RAB7A: variants seen among roughly 807,000 people sequenced by gnomAD.
The protein encoded by RAB7A is RAB7A, member RAS oncogene family, also known as ras-related protein Rab-7a.
RAB7A carries 2 observed loss-of-function variants against 24.5 expected under a neutral mutation model. The ratio of observed to expected loss-of-function variants is 0.08; its 90% CI spans 0.03 to 0.26. The LOEUF is 0.26. RAB7A is among the 10% of genes least tolerant of loss of function. The pLI is 1.00. For missense variants in RAB7A, 118 were observed against 255.7 expected (o/e 0.46, Z 3.67); for synonymous variants, 100 against 95.9 (o/e 1.04, Z -0.25).
intron 1 of RAB7A, among the ~76,000 whole-genome samples, chr3:128,745,348 T>C (rs1371211564): frequency 6.6e-6 from 1 of 151,982 alleles, no homozygotes; most frequent in Admixed American, 6.6e-5. Flanking sequence ...GAAGAAACAG[T>C]AGTTTATTAA....
chr3:128,773,948 G>A (rs561453618), intron 1 of RAB7A, among the ~76,000 whole-genome samples: 49 of 151,590 alleles, frequency 3.2e-4, no homozygotes, highest in African/African-American at 1.1e-3. Context: ...CACTGCGGAA[G>A]GCCTCAGGGT....
chr3:128,809,933 AGTCTTTTTTTTT>A (rs1933886016), intron 5 of RAB7A, among the ~76,000 whole-genome samples: 2 of 54,056 alleles, frequency 3.7e-5, no homozygotes, highest in Non-Finnish European at 7.2e-5. Context: ...CTCTTGCCAC[AGTCTTTTTTTTT>A]TTTTTTTTTT....
intron 1 of RAB7A, among the ~76,000 whole-genome samples, chr3:128,793,858 G>T (rs142036939): frequency 0.014 from 2,074 of 152,272 alleles, 48 homozygotes; most frequent in African/African-American, 0.046. Flanking sequence ...GAGGCTTTTG[G>T]CAGAGAAACA....
intron 1 of RAB7A, among the ~76,000 whole-genome samples, chr3:128,731,881 T>C (rs1204252740): frequency 6.6e-6 from 1 of 151,392 alleles, no homozygotes; most frequent in African/African-American, 2.4e-5. Flanking sequence ...TGGCATGCAC[T>C]GTAGTCCCAG....
intron 1 of RAB7A, among the ~76,000 whole-genome samples, chr3:128,780,069 G>C (rs1933185705): frequency 6.6e-6 from 1 of 152,208 alleles, no homozygotes; most frequent in Non-Finnish European, 1.5e-5. Flanking sequence ...CTCCATGGGG[G>C]TCTTCAAACT....
chr3:128,772,851 C>A (rs917857313), intron 1 of RAB7A, among the ~76,000 whole-genome samples: 6 of 152,258 alleles, frequency 3.9e-5, no homozygotes, highest in Admixed American at 6.5e-5. Context: ...CTCGGCCCCC[C>A]GAGGTGCCAG....
intron 1 of RAB7A, among the ~76,000 whole-genome samples, chr3:128,752,640 A>C (rs1255482560): frequency 6.6e-6 from 1 of 151,996 alleles, no homozygotes; most frequent in African/African-American, 2.4e-5. Flanking sequence ...ATTCCAGAAC[A>C]ATGGCTCCTT....
In RAB7A at chr3:128,734,454, CAAAAAAAAA is replaced by C. The variant is rs10524458; in HGVS notation, c.-9+8110_-9+8118del. ...TGGGCGACAGAATGAGACCCTACCT[CAAAAAAAAA>C]AAAAAAAAAAAAAAGGAAAGAAAAG... is the stretch of plus-strand genomic sequence containing the variant. On this transcript the variant is annotated intron_variant, in intron 1 of 5. Transcript: ENST00000265062. Among the ~76,000 whole-genome samples, 89 of 86,886 alleles carry C rather than the reference CAAAAAAAAA, an allele frequency of 1.0e-3. 1 individual carries two copies. In the South Asian group the frequency reaches 0.013, roughly 12 times the overall value. 57.0% of individuals were successfully genotyped at this position (86,886 alleles called of 152,430 possible).
intron 4 of RAB7A, 134 bp downstream of exon 4, chr3:128,806,724 C>T (rs1449364641): frequency 2.1e-6 from 2 of 933,980 alleles, no homozygotes; most frequent in East Asian, 2.6e-5. Flanking sequence ...TATGCCAGCC[C>T]TTCAGGCCAA....
At chr3:128,750,723 C>G (rs2070672642) in intron 1 of RAB7A, among the ~76,000 whole-genome samples, 1 of 152,100 alleles carries the variant, frequency 6.6e-6, no homozygotes, top group African/African-American at 2.4e-5. Context: ...AAATTCAAGC[C>G]CTTACAGAAA....
intron 1 of RAB7A, among the ~76,000 whole-genome samples, chr3:128,755,306 TTAAC>T (rs1314711482): frequency 4.0e-5 from 6 of 151,636 alleles, no homozygotes; most frequent in Admixed American, 3.9e-4. Flanking sequence ...TAGAAACAAT[TTAAC>T]AGACAGAAAA....
In RAB7A at chr3:128,795,490, T is replaced by G. The variant is rs1268377072; in HGVS notation, c.53+70T>G. 2.9e-6 allele frequency: 4 copies of G among 1,398,694 alleles called. No homozygotes were observed. The East Asian group carries it at 6.8e-5, about 24-fold the overall frequency. The allele number at this position is 1,398,694 out of a possible 1,614,324, so 86.6% of individuals were successfully genotyped here. ...AGCCTCTCTGCTGTGGAGCCCACAC[T>G]GTCCGTGCTGCCACTTCTTGCTTTC... On this transcript the variant is annotated intron_variant, in intron 2 of 5. Transcript: ENST00000265062.
rs1435868019 is a variant in RAB7A at position 128,726,262 on chromosome 3, G to A, written c.-106G>A. ...AGCTCGGGAGAGTTCCCTGGAACCA[G>A]AACTTGGACCTTCTCGCTTCTGTCC... On this transcript the variant is annotated 5_prime_UTR_variant, in exon 1 of 6. Coordinates refer to ENST00000265062, the MANE Select transcript of RAB7A (RefSeq NM_004637.6). The A allele has an allele frequency of 6.5e-6, 1 of 153,222 alleles. No homozygotes were observed. The highest frequency in any genetic ancestry group is 1.5e-5 in the Non-Finnish European group (1 of 68,604). 9.5% of individuals were successfully genotyped at this position (153,222 alleles called of 1,614,324 possible). A position where few individuals can be genotyped will look rare whatever the true frequency, so the allele number is the denominator to read the frequency against.
chr3:128,745,664 G>A (rs896658047), intron 1 of RAB7A, among the ~76,000 whole-genome samples: 5 of 152,226 alleles, frequency 3.3e-5, no homozygotes, highest in African/African-American at 9.6e-5. Flanking sequence ...CCAGGCCCGG[G>A]TGAGCACCAT....
intron 1 of RAB7A, among the ~76,000 whole-genome samples, chr3:128,750,569 G>T (rs889446915): frequency 3.3e-5 from 5 of 152,162 alleles, no homozygotes; most frequent in African/African-American, 9.7e-5. Context: ...GCCAGCCAAA[G>T]AAATTTCTAA....
At chr3:128,780,539 A>G (rs1374546539) in intron 1 of RAB7A, among the ~76,000 whole-genome samples, 3 of 152,204 alleles carry the variant, frequency 2.0e-5, no homozygotes, top group Non-Finnish European at 2.9e-5. Flanking sequence ...AAGTGTTTAC[A>G]GTTTTGTCTG....
At chr3:128,748,323 C>G (rs1270994981) in intron 1 of RAB7A, among the ~76,000 whole-genome samples, 1 of 152,158 alleles carries the variant, frequency 6.6e-6, no homozygotes, top group Non-Finnish European at 1.5e-5. Flanking sequence ...GGCATGGTGG[C>G]TTTTCTGGTG....
At chr3:128,801,931 C>T (rs980239969) in intron 3 of RAB7A, among the ~76,000 whole-genome samples, 4 of 152,040 alleles carry the variant, frequency 2.6e-5, no homozygotes, top group Non-Finnish European at 5.9e-5. Flanking sequence ...ACTGAGGCTG[C>T]CAGGTGACTC....
At chr3:128,747,140 C>T (rs1576274254) in intron 1 of RAB7A, among the ~76,000 whole-genome samples, 1 of 150,914 alleles carries the variant, frequency 6.6e-6, no homozygotes, top group South Asian at 2.1e-4. Context: ...TCTATCTCTA[C>T]AAAAAAATAG....
Sources: allele counts gnomAD v4.1 joint callset (sites outside exome capture counted in the v4.1 genomes callset), GRCh38; gene constraint gnomAD v4.1.1; transcripts MANE v1.5; gene names NCBI Gene and HGNC (gene_info 2026-07-23, HGNC 2026-07-21).